Variants in NELL1 observed in about 807,000 individuals in gnomAD.
NELL1 encodes protein kinase C-binding protein NELL1.
A neutral mutation model predicts 107.4 loss-of-function variants in NELL1; 76 were observed. The observed-to-expected ratio is 0.71, with a 90% confidence interval of 0.59 to 0.86. The LOEUF (loss-of-function observed/expected upper bound fraction) is 0.86, where lower values mean the gene tolerates loss of function less well. NELL1 is among the 40% of genes least tolerant of loss of function. The probability of loss-of-function intolerance (pLI) is 0.00; values close to 1 mark genes in which losing one functional copy is unlikely to be tolerated. For synonymous variants in NELL1, 353 were observed against 341.2 expected (o/e 1.03, Z -0.38); for missense variants, 1,024 against 1,005.5 (o/e 1.02, Z -0.25).
intron 15 of NELL1, among the ~76,000 whole-genome samples, chr11:21,488,901 C>A (rs867683799): frequency 5.0e-4 from 76 of 151,688 alleles, no homozygotes; most frequent in Admixed American, 1.1e-3. Flanking sequence ...ACACACCAAG[C>A]ACAAAATTAG....
chr11:20,984,266 G>T (rs879779310), intron 12 of NELL1, among the ~76,000 whole-genome samples: 1 of 152,096 alleles, frequency 6.6e-6, no homozygotes, highest in Non-Finnish European at 1.5e-5. Flanking sequence ...CATATATTAT[G>T]TAAGTAATAA....
intron 15 of NELL1, among the ~76,000 whole-genome samples, chr11:21,502,888 A>G (rs1855178441): frequency 1.3e-5 from 2 of 152,042 alleles, no homozygotes; most frequent in African/African-American, 4.8e-5. Flanking sequence ...TTATTTATGT[A>G]TTTACTTTTT....
intron 12 of NELL1, among the ~76,000 whole-genome samples, chr11:20,992,126 T>C (rs1851989095): frequency 6.6e-6 from 1 of 152,162 alleles, no homozygotes; most frequent in Non-Finnish European, 1.5e-5. Context: ...GAACAATTTC[T>C]GGGGCAACTC....
In NELL1 at chr11:21,213,551, T is replaced by G. The variant is rs892895498; in HGVS notation, c.1427-15781T>G. ...GAATCAATTGAATTGAATTTTGAAT[T>G]GAAATTTGAATTGAATAATTTTGAA... is the stretch of plus-strand genomic sequence containing the variant. On this transcript the variant is annotated intron_variant, in intron 13 of 19. Coordinates refer to ENST00000357134, the MANE Select transcript of NELL1 (RefSeq NM_006157.5). 3.3e-5 allele frequency among the ~76,000 whole-genome samples: 5 copies of G among 152,236 alleles called. No individual in the cohort carries two copies. The South Asian group carries it at 1.0e-3, about 32-fold the overall frequency.
At chr11:20,672,032 C>T (rs529445080) in intron 1 of NELL1, among the ~76,000 whole-genome samples, 2 of 152,298 alleles carry the variant, frequency 1.3e-5, no homozygotes, top group South Asian at 2.1e-4. Context: ...TTCTCAATGT[C>T]ACTTGGCACT....
At chr11:21,032,285 T>C (rs1420553200) in intron 12 of NELL1, among the ~76,000 whole-genome samples, 3 of 152,138 alleles carry the variant, frequency 2.0e-5, no homozygotes, top group African/African-American at 7.2e-5. Context: ...TATTTCTTTA[T>C]TGTGGGTTGC....
chr11:21,168,236 A>C (rs1189288148), intron 13 of NELL1, among the ~76,000 whole-genome samples: 2 of 151,872 alleles, frequency 1.3e-5, no homozygotes, highest in Admixed American at 6.5e-5. Flanking sequence ...TTTCTGCCTT[A>C]ACAACCCAGG....
At chr11:20,960,340 G>A (rs1851264475) in intron 11 of NELL1, 92 bp from the exon 12 acceptor site, 1 of 1,282,724 alleles carries the variant, frequency 7.8e-7, no homozygotes, top group African/African-American at 1.5e-5. Context: ...TTCCTGCATA[G>A]TGACATATAA....
chr11:20,867,094 A>C (rs1341504014), intron 4 of NELL1, among the ~76,000 whole-genome samples: 1 of 152,228 alleles, frequency 6.6e-6, no homozygotes, highest in Admixed American at 6.5e-5. Flanking sequence ...ACTCCAAGAC[A>C]TTAAATACTC....
chr11:21,348,080 G>A (rs756503695), intron 14 of NELL1, among the ~76,000 whole-genome samples: 1 of 149,464 alleles, frequency 6.7e-6, no homozygotes, highest in East Asian at 2.0e-4. Flanking sequence ...GTGAATTATT[G>A]TTGTGCAACT....
At chr11:21,450,916 T>C (rs1467173771) in intron 15 of NELL1, among the ~76,000 whole-genome samples, 2 of 151,434 alleles carry the variant, frequency 1.3e-5, no homozygotes, top group Non-Finnish European at 2.9e-5. Flanking sequence ...GCAGGCCGGG[T>C]GCGGTGGCTC....
At chr11:20,683,105 C>T (rs562568318) in intron 2 of NELL1, among the ~76,000 whole-genome samples, 88 of 151,790 alleles carry the variant, frequency 5.8e-4, no homozygotes, top group African/African-American at 1.8e-3. Flanking sequence ...TTCCCTTTCC[C>T]CTCTTTATGT....
At chr11:21,406,130 G>A (rs1462835033) in intron 15 of NELL1, among the ~76,000 whole-genome samples, 1 of 151,962 alleles carries the variant, frequency 6.6e-6, no homozygotes, top group East Asian at 1.9e-4. Flanking sequence ...CAGGAGAAGG[G>A]AGAAGACAAT....
intron 15 of NELL1, among the ~76,000 whole-genome samples, chr11:21,404,044 C>T (rs997764598): frequency 5.1e-5 from 7 of 137,434 alleles, no homozygotes; most frequent in South Asian, 2.5e-4. Flanking sequence ...ATATTCCCCC[C>T]GCCACCACGC....
At position 21,172,363 on chromosome 11, in the gene NELL1, G is replaced by T. The variant is rs536800746; in HGVS notation, c.1427-56969G>T. Among the ~76,000 whole-genome samples the T allele has an allele frequency of 2.0e-5, 3 of 151,918 alleles. No homozygotes were observed. In the East Asian group the frequency reaches 5.8e-4, roughly 29 times the overall value. On this transcript the variant is annotated intron_variant, in intron 13 of 19. Transcript: ENST00000357134. Reference sequence around the variant, plus strand: ...GGCTTCGTGTATCAGCCTGTGGGTTGGTTGGGTTTAAACCCACATTTAACC... The same window carrying T: ...GGCTTCGTGTATCAGCCTGTGGGTTTGTTGGGTTTAAACCCACATTTAACC...
At position 21,007,063 on chromosome 11, in the gene NELL1, A is replaced by G. The variant is rs547281839; in HGVS notation, c.1300+46503A>G. On this transcript the variant is annotated intron_variant, in intron 12 of 19. Transcript: ENST00000357134. ...TGGCTGACCCTGCTTTATTCCTATG[A>G]TTAGAACAGTCACAAGAATAGGCCT... Among the ~76,000 whole-genome samples the G allele has an allele frequency of 3.2e-4, 49 of 152,208 alleles. No individual in the cohort carries two copies. The Middle Eastern group carries it at 0.014, about 42-fold the overall frequency.
intron 12 of NELL1, among the ~76,000 whole-genome samples, chr11:20,981,956 T>TTCTCTCTCTC (rs68140364): frequency 0.055 from 8,108 of 148,558 alleles, 268 homozygotes; most frequent in East Asian, 0.19. Context: ...CTCTCTCTCT[T>TTCTCTCTCTC]TCTCTCTCTC....
At chr11:21,454,503 A>G (rs184044058) in intron 15 of NELL1, among the ~76,000 whole-genome samples, 236 of 152,266 alleles carry the variant, frequency 1.5e-3, no homozygotes, top group Admixed American at 5.6e-3. Flanking sequence ...TCATTTCTCC[A>G]TATCTTATAA....
At chr11:21,539,122 G>A (rs1856221917) in intron 16 of NELL1, among the ~76,000 whole-genome samples, 1 of 152,088 alleles carries the variant, frequency 6.6e-6, no homozygotes. Flanking sequence ...AGAGTTCCCT[G>A]ACCCCCTTAG....
Sources: gnomAD v4.1 joint callset for allele counts (sites outside exome capture counted in the v4.1 genomes callset) on GRCh38, gnomAD v4.1.1 for gene constraint, MANE v1.5 for transcripts, NCBI Gene and HGNC (gene_info 2026-07-23, HGNC 2026-07-21) for gene names.